The following PISD variants were observed in gnomAD, a reference collection of about 807,000 sequenced individuals.
PISD encodes phosphatidylserine decarboxylase proenzyme, mitochondrial.
A neutral mutation model predicts 43.5 loss-of-function variants in PISD; 31 were observed. The ratio of observed to expected loss-of-function variants is 0.71; its 90% confidence interval spans 0.54 to 0.96. PISD has a LOEUF of 0.96. Ranked by LOEUF, PISD falls within the 40% of genes least tolerant of loss-of-function variation. PISD has a pLI of 0.00. For missense variants in PISD, 523 were observed against 548.4 expected (o/e 0.95, Z 0.46); for synonymous variants, 259 against 228.7 (o/e 1.13, Z -1.20).
At chr22:31,637,637 C>T (rs1383496057) in intron 3 of PISD, among the ~76,000 whole-genome samples, 4 of 152,126 alleles carry the variant, frequency 2.6e-5, no homozygotes, top group Non-Finnish European at 4.4e-5. Context: ...AGAACTCCTT[C>T]GTCCTCCATT....
chr22:31,621,565 C>T (rs763928781), intron 4 of PISD, 84 bp downstream of exon 4: 46 of 1,598,922 alleles, frequency 2.9e-5, no homozygotes, highest in South Asian at 1.1e-5. Context: ...CTGCCCCTTC[C>T]AGATACGCTG....
intron 3 of PISD, chr22:31,628,807 A>G: frequency 3.0e-6 from 3 of 984,968 alleles, no homozygotes; most frequent in Non-Finnish European, 3.6e-6. Context: ...CCCCACTTCC[A>G]CCTAGGAGCG....
Position 31,637,156 on chromosome 22 carries a change from AAAAAAAAAATATATATATATAT to A in PISD, c.321+10923_321+10944del, listed in dbSNP as rs1483403958. 7.9e-3 allele frequency among the ~76,000 whole-genome samples: 334 copies of A among 42,404 alleles called. 15 individuals carry two copies. The highest frequency in any genetic ancestry group is 0.02 in the African/African-American group (196 of 9,852). The allele number at this position is 42,404 out of a possible 152,430, so 27.8% of individuals were successfully genotyped here. Reference sequence around the variant, plus strand: ...TAATAAATAAATTAAAAAAAAAAAAAAAAAAAAAATATATATATATATATATATATATATATATATATATATA... The same window carrying A: ...TAATAAATAAATTAAAAAAAAAAAAAATATATATATATATATATATATATA... On this transcript the variant is annotated intron_variant, in intron 3 of 7. Coordinates refer to ENST00000439502, the MANE Select transcript of PISD (RefSeq NM_001326411.2).
At chr22:31,623,758 T>C (rs2072716500) in intron 3 of PISD, 4 of 1,614,160 alleles carry the variant, frequency 2.5e-6, no homozygotes, top group Non-Finnish European at 3.4e-6. Context: ...TAGAGGACGG[T>C]CAAGGGCCAG....
At chr22:31,662,008 G>A (rs2074333849) in intron 1 of PISD, 136 bp downstream of exon 1, 15 of 756,846 alleles carry the variant, frequency 2.0e-5, no homozygotes, top group East Asian at 7.5e-5. Flanking sequence ...CTGCTCCTAA[G>A]CTCGAGGTGA....
chr22:31,652,099 C>T (rs1004917494), intron 1 of PISD, among the ~76,000 whole-genome samples: 1 of 152,116 alleles, frequency 6.6e-6, no homozygotes, highest in Non-Finnish European at 1.5e-5. Context: ...ATTACTTTCA[C>T]ACTATAATAT....
chr22:31,629,721 T>A (rs1029459341), intron 3 of PISD: 7 of 152,170 alleles, frequency 4.6e-5, no homozygotes, highest in African/African-American at 1.7e-4. Flanking sequence ...CCTAGTGGAT[T>A]CTGGTTCAAG....
rs1450574542 is a variant in PISD, at chr22:31,637,157, AAAAAAAAATATATAT to A, written c.321+10929_321+10943del. On this transcript the variant is annotated intron_variant, in intron 3 of 7. Transcript: ENST00000439502. ...AATAAATAAATTAAAAAAAAAAAAA[AAAAAAAAATATATAT>A]ATATATATATATATATATATATATA... is the stretch of plus-strand genomic sequence containing the variant. Among the ~76,000 whole-genome samples, 359 of 36,860 alleles carry A rather than the reference AAAAAAAAATATATAT, an allele frequency of 9.7e-3. 1 individual carries two copies. The highest frequency in any genetic ancestry group is 0.014 in the Non-Finnish European group (260 of 18,794). 24.2% of individuals were successfully genotyped at this position (36,860 alleles called of 152,430 possible). A position where few individuals can be genotyped will look rare whatever the true frequency, so the allele number is the denominator to read the frequency against.
At chr22:31,621,523 C>T (rs111786837) in intron 4 of PISD, 51 bp from the exon 5 acceptor site, 2 of 1,608,706 alleles carry the variant, frequency 1.2e-6, no homozygotes, top group Admixed American at 1.7e-5. Context: ...TCTCCTCCCC[C>T]CAGGAGACAG....
At chr22:31,632,112 G>A in intron 3 of PISD, 1 of 291,714 alleles carries the variant, frequency 3.4e-6, no homozygotes, top group Non-Finnish European at 5.1e-6. Flanking sequence ...GCGGAGAAAT[G>A]GTGTGGGGGC....
intron 3 of PISD, among the ~76,000 whole-genome samples, chr22:31,647,672 G>C (rs1018850218): frequency 4.6e-5 from 7 of 152,182 alleles, no homozygotes; most frequent in African/African-American, 1.7e-4. Context: ...CCTATCGTGT[G>C]ACTATGATGG....
Position 31,650,824 on chromosome 22 carries a change from A to T in PISD, c.66-46T>A, listed in dbSNP as rs1441788586. 3 of 1,244,978 alleles carry T rather than the reference A, an allele frequency of 2.4e-6. No individual in the cohort carries two copies. In the East Asian group the frequency reaches 7.6e-5, roughly 32 times the overall value. The allele number at this position is 1,244,978 out of a possible 1,614,324, so 77.1% of individuals were successfully genotyped here. ...ACCATTAAATATTATTCTTAAAATT[A>T]AAATTACTGGATTAATCGGCAAAAT... On this transcript the variant is annotated intron_variant, in intron 1 of 7. Coordinates refer to ENST00000439502, the MANE Select transcript of PISD (RefSeq NM_001326411.2).
chr22:31,628,680 G>A (rs889035924), intron 3 of PISD, among the ~76,000 whole-genome samples: 2 of 152,180 alleles, frequency 1.3e-5, no homozygotes, highest in African/African-American at 4.8e-5. Context: ...GCAAGTCACA[G>A]GTAGTCTCTA....
At chr22:31,636,528 A>G (rs2073442603) in intron 3 of PISD, among the ~76,000 whole-genome samples, 1 of 148,802 alleles carries the variant, frequency 6.7e-6, no homozygotes, top group African/African-American at 2.5e-5. Flanking sequence ...ACGCCCAGCT[A>G]ATTTCTGGGT....
chr22:31,626,143 G>T, intron 3 of PISD: 2 of 862,424 alleles, frequency 2.3e-6, no homozygotes, highest in Non-Finnish European at 3.2e-6. Flanking sequence ...CTCTGTCCCT[G>T]CTACCCAGGG....
rs1008007516 is a variant in PISD, at chr22:31,628,800, C to T, written c.322-6915G>A. The T allele has an allele frequency of 1.1e-5, 11 of 984,636 alleles. No individual in the cohort carries two copies. In the South Asian group the frequency reaches 3.8e-4, roughly 34 times the overall value. The allele number at this position is 984,636 out of a possible 1,614,324, so 61.0% of individuals were successfully genotyped here. A position where few individuals can be genotyped will look rare whatever the true frequency, so the allele number is the denominator to read the frequency against. On this transcript the variant is annotated intron_variant, in intron 3 of 7. Coordinates refer to ENST00000439502, the MANE Select transcript of PISD (RefSeq NM_001326411.2). ...GCCCAGAACAACTGCTCAGAAACCC[C>T]ACTTCCACCTAGGAGCGCGACGCAG...
chr22:31,655,316 C>CTTT (rs58895520), intron 1 of PISD, among the ~76,000 whole-genome samples: 4 of 145,158 alleles, frequency 2.8e-5, no homozygotes, highest in African/African-American at 7.6e-5. Flanking sequence ...GTACAACCCC[C>CTTT]TTTTTTTTTT....
At chr22:31,657,724 T>C (rs2074219646) in intron 1 of PISD, among the ~76,000 whole-genome samples, 3 of 151,924 alleles carry the variant, frequency 2.0e-5, no homozygotes, top group Non-Finnish European at 2.9e-5. Context: ...ACAGGGTTTG[T>C]TGGCCACGCT....
intron 3 of PISD, chr22:31,629,331 GATGT>G: frequency 2.0e-6 from 1 of 492,098 alleles, no homozygotes; most frequent in East Asian, 1.5e-4. Flanking sequence ...TAGGTGCGAG[GATGT>G]GTGGGGTGTG....
Sources: gnomAD v4.1 joint callset for allele counts (sites outside exome capture counted in the v4.1 genomes callset) on GRCh38, gnomAD v4.1.1 for gene constraint, MANE v1.5 for transcripts, NCBI Gene and HGNC (gene_info 2026-07-23, HGNC 2026-07-21) for gene names.